SLC4A5: variants seen among roughly 807,000 people sequenced by gnomAD.
The protein encoded by SLC4A5 is electrogenic sodium bicarbonate cotransporter 4.
Under a neutral mutation model 120.4 loss-of-function variants are expected in SLC4A5, and 96 were observed. That is an observed-to-expected ratio of 0.80 (90% CI 0.68 to 0.94). The LOEUF (loss-of-function observed/expected upper bound fraction) is 0.94, where lower values mean the gene tolerates loss of function less well. Ranked by LOEUF, SLC4A5 falls within the 40% of genes least tolerant of loss-of-function variation. The pLI, the probability that SLC4A5 is intolerant of heterozygous loss-of-function variation, is 0.00. For missense variants in SLC4A5, 1,259 were observed against 1,459.5 expected, an observed-to-expected ratio of 0.86 and a Z score of 2.24; for synonymous variants, 550 against 571.1, an observed-to-expected ratio of 0.96 and a Z score of 0.53.
chr2:74,285,624 G>T, intron 8 of SLC4A5, 149 bp downstream of exon 8: 1 of 820,064 alleles, frequency 1.2e-6, no homozygotes. Context: ...TTGCTCCTTA[G>T]TTCTGGACAC....
intron 19 of SLC4A5, among the ~76,000 whole-genome samples, chr2:74,244,325 A>G (rs1389912125): frequency 3.3e-5 from 5 of 152,262 alleles, no homozygotes; most frequent in South Asian, 2.1e-4. Flanking sequence ...GGAAGATTCA[A>G]TATACATCTG....
intron 18 of SLC4A5, among the ~76,000 whole-genome samples, chr2:74,247,814 C>A (rs949557643): frequency 1.3e-5 from 2 of 151,344 alleles, no homozygotes; most frequent in Non-Finnish European, 2.9e-5. Context: ...CACGCCCGGC[C>A]AAAAAAAAAT....
chr2:74,301,186 T>G (rs1489095602), intron 7 of SLC4A5, among the ~76,000 whole-genome samples: 1 of 152,192 alleles, frequency 6.6e-6, no homozygotes, highest in African/African-American at 2.4e-5. Context: ...CTGGCCTTTG[T>G]TTCAACTTTA....
intron 19 of SLC4A5, among the ~76,000 whole-genome samples, chr2:74,244,478 C>CT (rs1553452975): frequency 1.7e-5 from 2 of 116,212 alleles, no homozygotes; most frequent in African/African-American, 5.8e-5. Context: ...CTCTTTCTTT[C>CT]TTCTCCTTTC....
At position 74,257,619 on chromosome 2, in the gene SLC4A5, G is replaced by A. The variant is rs201551148; in HGVS notation, c.868-1687C>T. Among the ~76,000 whole-genome samples, 16 of 151,314 alleles carry A rather than the reference G, an allele frequency of 1.1e-4. No individual in the cohort carries two copies. The East Asian group carries it at 1.8e-3, about 17-fold the overall frequency. ...TTTGAGACAAGAGTCTCACTCTGTCGTAAAGGCTGGAGTGCAGTGGCACCA... is the reference window on the plus strand; with the variant it reads ...TTTGAGACAAGAGTCTCACTCTGTCATAAAGGCTGGAGTGCAGTGGCACCA... On this transcript the variant is annotated intron_variant, in intron 12 of 30. Transcript: ENST00000394019.
At chr2:74,279,150 C>T (rs1351157175) in intron 8 of SLC4A5, among the ~76,000 whole-genome samples, 1 of 152,248 alleles carries the variant, frequency 6.6e-6, no homozygotes, top group Non-Finnish European at 1.5e-5. Flanking sequence ...AAAAGGATCT[C>T]CCTTGGCCCA....
intron 26 of SLC4A5, chr2:74,227,576 G>T (rs1239058401): frequency 3.1e-6 from 5 of 1,593,894 alleles, no homozygotes; most frequent in Non-Finnish European, 4.3e-6. Context: ...TGTAAAATGG[G>T]GATCAGAGGA....
intron 8 of SLC4A5, among the ~76,000 whole-genome samples, chr2:74,280,731 C>T (rs1287185546): frequency 2.0e-5 from 3 of 151,360 alleles, no homozygotes; most frequent in African/African-American, 7.3e-5. Context: ...GTTGCCCAGG[C>T]TGGAGTGCAA....
At chr2:74,285,653 G>T in intron 8 of SLC4A5, 120 bp downstream of exon 8, 2 of 1,180,076 alleles carry the variant, frequency 1.7e-6, no homozygotes, top group Non-Finnish European at 2.4e-6. Flanking sequence ...GCAGCTGGGA[G>T]GGTCTTTGTG....
chr2:74,326,157 T>A (rs1272934473), intron 5 of SLC4A5, among the ~76,000 whole-genome samples: 2 of 152,172 alleles, frequency 1.3e-5, no homozygotes, highest in South Asian at 2.1e-4. Flanking sequence ...AAAAAAATTT[T>A]AAAAACCCTC....
In SLC4A5 at chr2:74,251,769, G is replaced by T. The variant is rs113160835; in HGVS notation, c.1478+410C>A. Among the ~76,000 whole-genome samples, 139 of 152,314 alleles carry T rather than the reference G, an allele frequency of 9.1e-4. 1 individual carries two copies. Among genetic ancestry groups the T allele is most frequent in the African/African-American group, 3.2e-3 (135 of 41,572 alleles). On this transcript the variant is annotated intron_variant, in intron 16 of 30. Transcript: ENST00000394019. Reference sequence around the variant, plus strand: ...CAAGGACTGCTGGCCACCACCAGAAGCCAGGAGGAGGCCAGGAAGGATTCC... The same window carrying T: ...CAAGGACTGCTGGCCACCACCAGAATCCAGGAGGAGGCCAGGAAGGATTCC...
chr2:74,296,165 G>A (rs1042616316), intron 7 of SLC4A5, among the ~76,000 whole-genome samples: 1 of 151,976 alleles, frequency 6.6e-6, no homozygotes. Context: ...CAGCCCTCTT[G>A]GCTAGGGAGG....
At chr2:74,292,428 C>T (rs1200149386) in intron 7 of SLC4A5, among the ~76,000 whole-genome samples, 1 of 152,208 alleles carries the variant, frequency 6.6e-6, no homozygotes. Flanking sequence ...TGCTGGGCCA[C>T]TGGGTCAGGG....
exon 28 of SLC4A5, chr2:74,224,986 G>A: frequency 6.2e-7 from 1 of 1,614,012 alleles, no homozygotes; most frequent in Non-Finnish European, 8.5e-7. Flanking sequence ...ACGATGATGA[G>A]GCCCAGGATC....
In SLC4A5 at chr2:74,220,902, G is replaced by A. The variant is rs139478459; in HGVS notation, c.*33+532C>T. 3.5e-3 allele frequency among the ~76,000 whole-genome samples: 508 copies of A among 143,990 alleles called. 9 individuals carry two copies. The highest frequency in any genetic ancestry group is 0.013 in the African/African-American group (480 of 37,758). The allele number at this position is 143,990 out of a possible 152,430, so 94.5% of individuals were successfully genotyped here. On this transcript the variant is annotated intron_variant, in intron 30 of 30. Transcript: ENST00000394019. ...GTTGCCCAGGCTGGAGTGCAGTGGC[G>A]CGATCTCGGCTTACTGCAAGCTCTG...
chr2:74,237,354 A>G (rs1353150681), intron 21 of SLC4A5, among the ~76,000 whole-genome samples: 3 of 152,196 alleles, frequency 2.0e-5, no homozygotes, highest in Non-Finnish European at 4.4e-5. Flanking sequence ...ATTACTTTTC[A>G]TCCTGTAGGC....
intron 20 of SLC4A5, among the ~76,000 whole-genome samples, chr2:74,240,827 T>C (rs1191717485): frequency 1.3e-5 from 2 of 151,482 alleles, no homozygotes; most frequent in Non-Finnish European, 2.9e-5. Context: ...AACTAGGATG[T>C]GTGTAGGCAG....
chr2:74,332,152 T>A (rs1673378560), intron 4 of SLC4A5, among the ~76,000 whole-genome samples: 1 of 152,186 alleles, frequency 6.6e-6, no homozygotes, highest in South Asian at 2.1e-4. Context: ...TTATTTCTCA[T>A]TTGATTCTAA....
chr2:74,326,380 G>A (rs13425519), intron 5 of SLC4A5, among the ~76,000 whole-genome samples: 5,853 of 152,154 alleles, frequency 0.038, 392 homozygotes, highest in African/African-American at 0.13. Flanking sequence ...ATCATAGATC[G>A]CCTTGGTGTT....
Sources: allele counts gnomAD v4.1 joint callset (sites outside exome capture counted in the v4.1 genomes callset), GRCh38; gene constraint gnomAD v4.1.1; transcripts MANE v1.5; gene names NCBI Gene and HGNC (gene_info 2026-07-23, HGNC 2026-07-21).